The following TBL1X variants were observed in gnomAD, a reference collection of about 807,000 sequenced individuals.
The protein encoded by TBL1X is transducin beta like 1 X-linked.
TBL1X carries 10 observed loss-of-function variants against 50.7 expected under a neutral mutation model. That is an observed-to-expected ratio of 0.20 (90% CI 0.12 to 0.33). TBL1X has a LOEUF of 0.33. Among genes scored for constraint, TBL1X ranks in the 10% least tolerant of loss-of-function variants. The pLI is 1.00. For synonymous variants in TBL1X, 190 were observed against 214.7 expected (o/e 0.88, Z 1.01); for missense variants, 340 against 504.4 (o/e 0.67, Z 3.12).
At chrX:9,512,298 G>A (rs1245608381) in intron 2 of TBL1X, among the ~76,000 whole-genome samples, 1 of 111,308 alleles carries the variant, frequency 9.0e-6, no homozygotes, top group Non-Finnish European at 1.9e-5. Context: ...TGAAGAGAAA[G>A]TTTGAAATGC....
At chrX:9,542,700 C>A (rs2146983379) in intron 2 of TBL1X, among the ~76,000 whole-genome samples, 1 of 112,019 alleles carries the variant, frequency 8.9e-6, no homozygotes, top group South Asian at 3.8e-4. Flanking sequence ...AAACTGGGAC[C>A]CTGTTAGGTA....
At chrX:9,588,808 G>A (rs1472265514) in intron 2 of TBL1X, among the ~76,000 whole-genome samples, 1 of 110,353 alleles carries the variant, frequency 9.1e-6, no homozygotes, top group Non-Finnish European at 1.9e-5. Context: ...TTACCATGTT[G>A]GCCAGGCTGG....
chrX:9,622,614 C>A (rs971860971), intron 2 of TBL1X, among the ~76,000 whole-genome samples: 2 of 111,423 alleles, frequency 1.8e-5, no homozygotes, highest in African/African-American at 6.5e-5. Context: ...CGCCACCACA[C>A]CCTGCTAATT....
intron 2 of TBL1X, among the ~76,000 whole-genome samples, chrX:9,569,160 G>A (rs1190185558): frequency 9.4e-6 from 1 of 106,705 alleles, no homozygotes; most frequent in African/African-American, 3.5e-5. Context: ...TGCTGTGTGT[G>A]TGGTATGCTA....
chrX:9,465,910 C>T (rs1296889431), intron 1 of TBL1X, among the ~76,000 whole-genome samples: 1 of 113,109 alleles, frequency 8.8e-6, no homozygotes, highest in African/African-American at 3.2e-5. Context: ...CCCATTCATA[C>T]CCGGGACGCG....
At chrX:9,712,354 T>C (rs1418987684) in intron 16 of TBL1X, among the ~76,000 whole-genome samples, 1 of 112,776 alleles carries the variant, frequency 8.9e-6, no homozygotes, top group Non-Finnish European at 1.9e-5. Flanking sequence ...GTTTTTGTTT[T>C]TGAGACGGAG....
intron 5 of TBL1X, among the ~76,000 whole-genome samples, chrX:9,655,977 C>T (rs779999601): frequency 5.3e-5 from 6 of 112,889 alleles, no homozygotes; most frequent in African/African-American, 1.3e-4. Flanking sequence ...CTGTCCCTTG[C>T]GCTCCCAGCT....
chrX:9,467,561 C>G (rs1365271563), intron 1 of TBL1X, among the ~76,000 whole-genome samples: 1 of 112,058 alleles, frequency 8.9e-6, no homozygotes, highest in Non-Finnish European at 1.9e-5. Context: ...TTCACTACCA[C>G]ATGCATTGAA....
At chrX:9,543,333 G>A (rs1236228493) in intron 2 of TBL1X, among the ~76,000 whole-genome samples, 4 of 112,008 alleles carry the variant, frequency 3.6e-5, no homozygotes, top group Non-Finnish European at 7.5e-5. Context: ...GGGGTGGTCG[G>A]CTTGAGTTGG....
intron 2 of TBL1X, among the ~76,000 whole-genome samples, chrX:9,547,354 C>CGA (rs1227590312): frequency 9.1e-6 from 1 of 110,253 alleles, no homozygotes; most frequent in African/African-American, 3.3e-5. Flanking sequence ...GGGTCTCACT[C>CGA]TATCACCTAG....
At chrX:9,571,989 A>G (rs1451659197) in intron 2 of TBL1X, among the ~76,000 whole-genome samples, 1 of 111,851 alleles carries the variant, frequency 8.9e-6, no homozygotes, top group Non-Finnish European at 1.9e-5. Context: ...TCATGCATCG[A>G]TGGACAGTTG....
chrX:9,567,691 T>G (rs773690850), intron 2 of TBL1X, among the ~76,000 whole-genome samples: 1 of 112,276 alleles, frequency 8.9e-6, no homozygotes, highest in South Asian at 3.8e-4. Context: ...CCATGTCTCC[T>G]TCCAGGCCAC....
At chrX:9,471,680 G>A (rs1404915016) in intron 1 of TBL1X, among the ~76,000 whole-genome samples, 1 of 111,958 alleles carries the variant, frequency 8.9e-6, no homozygotes, top group African/African-American at 3.3e-5. Flanking sequence ...ATTCCGGGGA[G>A]TGCGGCAGTT....
chrX:9,510,200 C>T (rs1700851983), intron 2 of TBL1X, among the ~76,000 whole-genome samples: 1 of 111,403 alleles, frequency 9.0e-6, no homozygotes, highest in South Asian at 3.8e-4. Context: ...CCCAGGACAG[C>T]CCCCCACAAA....
At chrX:9,714,305 A>G (rs903479172) in intron 16 of TBL1X, among the ~76,000 whole-genome samples, 3 of 112,615 alleles carry the variant, frequency 2.7e-5, no homozygotes, top group Non-Finnish European at 5.6e-5. Context: ...CATGAATTAC[A>G]GTCAATTTAA....
chrX:9,570,057 A>G (rs1336853170), intron 2 of TBL1X, among the ~76,000 whole-genome samples: 1 of 112,064 alleles, frequency 8.9e-6, no homozygotes, highest in Non-Finnish European at 1.9e-5. Context: ...GCGCCTTCCA[A>G]ACCACAGCTC....
intron 2 of TBL1X, among the ~76,000 whole-genome samples, chrX:9,594,284 A>C (rs1410296170): frequency 8.9e-6 from 1 of 112,616 alleles, no homozygotes; most frequent in Non-Finnish European, 1.9e-5. Context: ...ATGTCAGTGC[A>C]TGATATTGTA....
chrX:9,572,089 C>T (rs1212714843), intron 2 of TBL1X, among the ~76,000 whole-genome samples: 1 of 111,832 alleles, frequency 8.9e-6, no homozygotes, highest in African/African-American at 3.3e-5. Flanking sequence ...CCAGGTGGTG[C>T]GTGGTGAAAT....
intron 1 of TBL1X, among the ~76,000 whole-genome samples, chrX:9,483,906 A>G (rs763675610): frequency 8.9e-6 from 1 of 112,127 alleles, no homozygotes; most frequent in East Asian, 2.8e-4. Context: ...ATGGAGTCCT[A>G]TTATATTTGT....
Sources: gnomAD v4.1 joint callset for allele counts (sites outside exome capture counted in the v4.1 genomes callset) on GRCh38, gnomAD v4.1.1 for gene constraint, MANE v1.5 for transcripts, NCBI Gene and HGNC (gene_info 2026-07-23, HGNC 2026-07-21) for gene names.